NRCAM: variants seen among roughly 807,000 people sequenced by gnomAD.
NRCAM encodes the protein neuronal cell adhesion molecule.
NRCAM carries 83 observed loss-of-function variants against 156.5 expected under a neutral mutation model. The observed-to-expected ratio is 0.53, with a 90% confidence interval of 0.44 to 0.64. The LOEUF is 0.64. Ranked by LOEUF, NRCAM falls within the 30% of genes least tolerant of loss-of-function variation. The probability of loss-of-function intolerance (pLI) is 0.00; values close to 1 mark genes in which losing one functional copy is unlikely to be tolerated. For synonymous variants in NRCAM, 538 were observed against 563.9 expected, an observed-to-expected ratio of 0.95 and a Z score of 0.65; for missense variants, 1,417 against 1,597.3, an observed-to-expected ratio of 0.89 and a Z score of 1.92.
At chr7:108,195,953 G>T in intron 14 of NRCAM, 81 bp from the exon 15 acceptor site, 1 of 926,998 alleles carries the variant, frequency 1.1e-6, no homozygotes, top group Non-Finnish European at 1.7e-6. Context: ...TTGTTTTAAG[G>T]TCATTAAAGT....
chr7:108,324,877 C>CATTTTTTTTTTTTTTTTTTTTTTTTTT (rs201240389), intron 2 of NRCAM, among the ~76,000 whole-genome samples: 2 of 82,676 alleles, frequency 2.4e-5, no homozygotes. Flanking sequence ...TGGCACTGTA[C>CATTTTTTTTTTTTTTTTTTTTTTTTTT]TTTTTTTTTT....
chr7:108,450,271 T>A lies in NRCAM; in HGVS notation c.-332+5972A>T, dbSNP rs569536184. Among the ~76,000 whole-genome samples, 5 of 149,170 alleles carry A rather than the reference T, an allele frequency of 3.4e-5. 1 individual carries two copies. The South Asian group carries it at 1.0e-3, about 31-fold the overall frequency. On this transcript the variant is annotated intron_variant, in intron 1 of 32. Coordinates refer to ENST00000379028, the MANE Select transcript of NRCAM (RefSeq NM_001037132.4). The stretch of plus-strand genomic sequence containing the variant: ...TTTACCACTGGCTTTTTTTTTTTTT[T>A]ATCTTCACTAGCTTCTTAGTCACTT...
At chr7:108,269,581 T>G (rs1445318904) in intron 3 of NRCAM, among the ~76,000 whole-genome samples, 1 of 152,084 alleles carries the variant, frequency 6.6e-6, no homozygotes, top group East Asian at 1.9e-4. Flanking sequence ...AGCGACATGT[T>G]CCCTACAGGT....
At chr7:108,329,968 G>C (rs1356588205) in intron 2 of NRCAM, among the ~76,000 whole-genome samples, 2 of 152,130 alleles carry the variant, frequency 1.3e-5, no homozygotes, top group African/African-American at 2.4e-5. Context: ...ATTTCCTCTT[G>C]ATTACATATC....
intron 3 of NRCAM, among the ~76,000 whole-genome samples, chr7:108,301,006 C>T (rs1293001446): frequency 6.6e-6 from 1 of 151,878 alleles, no homozygotes; most frequent in Non-Finnish European, 1.5e-5. Context: ...GCAAACTACA[C>T]AACATTCTCT....
intron 3 of NRCAM, among the ~76,000 whole-genome samples, chr7:108,257,014 A>G (rs568198447): frequency 2.1e-4 from 29 of 137,154 alleles, no homozygotes; most frequent in African/African-American, 7.5e-4. Flanking sequence ...CGAAAAAAAA[A>G]AAAAAGAAAA....
At chr7:108,391,228 A>G (rs535982782) in intron 2 of NRCAM, among the ~76,000 whole-genome samples, 1 of 151,548 alleles carries the variant, frequency 6.6e-6, no homozygotes, top group East Asian at 2.0e-4. Flanking sequence ...GTAGGTCACT[A>G]AGGACTTGCT....
intron 3 of NRCAM, among the ~76,000 whole-genome samples, chr7:108,255,155 C>G (rs1451793349): frequency 8.3e-6 from 1 of 120,290 alleles, no homozygotes; most frequent in Non-Finnish European, 1.7e-5. Context: ...GAGCCTCTCC[C>G]TCTCCCTCTC....
At chr7:108,168,785 G>A (rs1291960702) in intron 28 of NRCAM, among the ~76,000 whole-genome samples, 1 of 152,180 alleles carries the variant, frequency 6.6e-6, no homozygotes, top group Admixed American at 6.5e-5. Context: ...TGTCAGAGAC[G>A]CCAAGGTAAA....
chr7:108,431,959 C>G (rs1197442086), intron 1 of NRCAM, among the ~76,000 whole-genome samples: 1 of 152,208 alleles, frequency 6.6e-6, no homozygotes, highest in Non-Finnish European at 1.5e-5. Context: ...AAGTACCAGT[C>G]ACTTCTTTGC....
At chr7:108,279,674 G>A (rs1037688123) in intron 3 of NRCAM, among the ~76,000 whole-genome samples, 3 of 89,570 alleles carry the variant, frequency 3.3e-5, no homozygotes, top group South Asian at 4.0e-4. Context: ...GAATCCTCTC[G>A]CCTCTGCCTC....
chr7:108,285,561 A>G (rs1337014466), intron 3 of NRCAM, among the ~76,000 whole-genome samples: 1 of 152,196 alleles, frequency 6.6e-6, no homozygotes, highest in African/African-American at 2.4e-5. Flanking sequence ...GGTAGGGGGA[A>G]GGATTCAGGT....
chr7:108,297,799 G>A (rs367690068), intron 3 of NRCAM, among the ~76,000 whole-genome samples: 12 of 152,234 alleles, frequency 7.9e-5, no homozygotes, highest in African/African-American at 1.9e-4. Context: ...GCATGCGCAC[G>A]TATGTGTGTG....
rs373294833 is a variant in NRCAM, at chr7:108,272,917, G to T, written c.-106-32747C>A. Among the ~76,000 whole-genome samples the T allele has an allele frequency of 1.7e-3, 254 of 152,108 alleles. 2 individuals are homozygous for T. Among genetic ancestry groups the T allele is most frequent in the African/African-American group, 5.9e-3 (246 of 41,468 alleles). On this transcript the variant is annotated intron_variant, in intron 3 of 32. Coordinates refer to ENST00000379028, the MANE Select transcript of NRCAM (RefSeq NM_001037132.4). ...CCCCCAGCCCCCCACCTGCCAACAG[G>T]CCCTGGTGTGTGATATTCCCCTCCC...
chr7:108,368,296 AG>A (rs1448919853), intron 2 of NRCAM, among the ~76,000 whole-genome samples: 1 of 144,356 alleles, frequency 6.9e-6, no homozygotes, highest in African/African-American at 2.6e-5. Flanking sequence ...GGTTTCTAAA[AG>A]ATTAATTTCT....
intron 2 of NRCAM, among the ~76,000 whole-genome samples, chr7:108,359,874 C>T (rs2099536795): frequency 2.0e-5 from 3 of 152,236 alleles, no homozygotes; most frequent in South Asian, 2.1e-4. Flanking sequence ...TGCTCCCCTC[C>T]CATTCTCCAG....
At position 108,184,275 on chromosome 7, in the gene NRCAM, C is replaced by T. The variant is rs201173823; in HGVS notation, c.2270G>A (p.Gly757Glu). The T allele has an allele frequency of 1.2e-6, 2 of 1,614,102 alleles. No individual in the cohort carries two copies. The highest frequency in any genetic ancestry group is 1.7e-6 in the Non-Finnish European group (2 of 1,179,986). ...AATCACCAAATTATCAGGCTCTGAT[C>T]CCAGTCCTTCCACAGCTGTGGGGTT... ...DKNPTAVEGL[G>E]SEPDNLVITW... is the part of the protein sequence containing the mutation. The change falls in exon 22 of 33, where the codon GGA becomes GAA. Residue 757 changes from glycine (G) to glutamate (E), a missense_variant. By Grantham distance (98) the Gly-to-Glu change is moderately conservative (BLOSUM62 -2). Transcript: ENST00000379028.
intron 1 of NRCAM, among the ~76,000 whole-genome samples, chr7:108,450,933 C>T (rs1256398176): frequency 6.6e-6 from 1 of 152,146 alleles, no homozygotes; most frequent in Non-Finnish European, 1.5e-5. Flanking sequence ...TAAAAGATAA[C>T]AGTGGCTGGG....
chr7:108,229,659 T>C (rs968162729), intron 8 of NRCAM, among the ~76,000 whole-genome samples: 3 of 152,144 alleles, frequency 2.0e-5, no homozygotes, highest in African/African-American at 7.2e-5. Context: ...GTTTCAAACA[T>C]TGCTGATCAT....
Sources: allele counts gnomAD v4.1 joint callset (sites outside exome capture counted in the v4.1 genomes callset), GRCh38; gene constraint gnomAD v4.1.1; transcripts MANE v1.5; gene names NCBI Gene and HGNC (gene_info 2026-07-23, HGNC 2026-07-21).